Variants in KCND3 observed in about 807,000 individuals in gnomAD.
KCND3 encodes the protein A-type voltage-gated potassium channel KCND3.
Under a neutral mutation model 51.1 loss-of-function variants are expected in KCND3, and 9 were observed. The ratio of observed to expected loss-of-function variants is 0.18; its 90% CI spans 0.11 to 0.31. The LOEUF is 0.31. Among genes scored for constraint, KCND3 ranks in the 10% least tolerant of loss-of-function variants. The pLI, the probability that KCND3 is intolerant of heterozygous loss-of-function variation, is 1.00. For synonymous variants in KCND3, 349 were observed against 368.0 expected, an observed-to-expected ratio of 0.95 and a Z score of 0.59; for missense variants, 526 against 903.8, an observed-to-expected ratio of 0.58 and a Z score of 5.36.
In KCND3 at chr1:111,982,543, G is replaced by T. The variant is rs748912789; in HGVS notation, c.184C>A (p.Pro62Thr). The T allele has an allele frequency of 6.2e-7, 1 of 1,608,372 alleles. No homozygotes were observed. Among genetic ancestry groups the T allele is most frequent in the Non-Finnish European group, 8.5e-7 (1 of 1,175,398 alleles). Residue 62 changes from proline to threonine, a missense_variant, in exon 2 of 8, where the codon CCG becomes ACG. Coordinates refer to ENST00000302127, the MANE Select transcript of KCND3 (RefSeq NM_001378969.1). This position sits in a 1 kb window ranked among gnomAD's most constrained non-coding sequence, Gnocchi z 8.5. ...QTWRTTLERY[P>T]DTLLGSTEKE... The stretch of plus-strand genomic sequence containing the variant: ...TCCGTGCTGCCCAGCAGGGTGTCCG[G>T]GTAGCGCTCCAGCGTGGTCCTCCAG...
intron 2 of KCND3, among the ~76,000 whole-genome samples, chr1:111,806,096 C>T (rs748472941): frequency 3.1e-4 from 47 of 152,332 alleles, no homozygotes; most frequent in South Asian, 6.2e-4. Flanking sequence ...ACCCCTGCTA[C>T]GACACTGACT....
At chr1:111,832,043 C>G (rs1383628312) in intron 2 of KCND3, among the ~76,000 whole-genome samples, 1 of 152,196 alleles carries the variant, frequency 6.6e-6, no homozygotes, top group Non-Finnish European at 1.5e-5. Context: ...TTAATCATAA[C>G]TCTAGCTGGA....
chr1:111,882,113 A>G (rs1386808672), intron 2 of KCND3, among the ~76,000 whole-genome samples: 2 of 152,184 alleles, frequency 1.3e-5, no homozygotes, highest in South Asian at 2.1e-4. Context: ...GCCTGTACCC[A>G]GTTTCTAGCT....
At chr1:111,867,287 C>T (rs1668624154) in intron 2 of KCND3, among the ~76,000 whole-genome samples, 1 of 152,142 alleles carries the variant, frequency 6.6e-6, no homozygotes, top group African/African-American at 2.4e-5. Context: ...TGATGCCTGG[C>T]ATCAGGTAGG....
chr1:111,897,508 C>T (rs1670176976), intron 2 of KCND3, among the ~76,000 whole-genome samples: 2 of 152,208 alleles, frequency 1.3e-5, no homozygotes, highest in African/African-American at 4.8e-5. Context: ...TGCTGGACAG[C>T]TCGGTGTGTG....
chr1:111,875,271 G>A (rs189987567), intron 2 of KCND3, among the ~76,000 whole-genome samples: 2 of 152,270 alleles, frequency 1.3e-5, no homozygotes, highest in East Asian at 3.9e-4. Flanking sequence ...TGTAGTTAGA[G>A]GGCTGTGTCA....
intron 2 of KCND3, among the ~76,000 whole-genome samples, chr1:111,790,857 G>T (rs1664796610): frequency 6.6e-6 from 1 of 152,152 alleles, no homozygotes; most frequent in Non-Finnish European, 1.5e-5. Flanking sequence ...TTCTTTCACT[G>T]ACTGTGTTTT....
At chr1:111,947,825 C>A (rs1407785598) in intron 2 of KCND3, among the ~76,000 whole-genome samples, 1 of 152,154 alleles carries the variant, frequency 6.6e-6, no homozygotes, top group Non-Finnish European at 1.5e-5. Flanking sequence ...AAATCCTGGG[C>A]TGGGATGATA....
intron 6 of KCND3, 33 bp downstream of exon 6, chr1:111,778,402 GA>G: frequency 6.3e-7 from 1 of 1,590,610 alleles, no homozygotes; most frequent in Non-Finnish European, 8.6e-7. Flanking sequence ...TTATCAGAGA[GA>G]AAAACATCAA....
intron 2 of KCND3, among the ~76,000 whole-genome samples, chr1:111,945,473 A>G (rs955249842): frequency 6.6e-6 from 1 of 152,150 alleles, no homozygotes; most frequent in African/African-American, 2.4e-5. Context: ...TACCCCCATT[A>G]ACCCTCACAA....
intron 2 of KCND3, among the ~76,000 whole-genome samples, chr1:111,821,522 C>T (rs527285074): frequency 2.0e-5 from 3 of 152,300 alleles, no homozygotes; most frequent in Admixed American, 1.3e-4. Flanking sequence ...CCTGGTTTCC[C>T]GCCTGCTCAG....
At chr1:111,912,865 A>C (rs1454855054) in intron 2 of KCND3, among the ~76,000 whole-genome samples, 1 of 152,264 alleles carries the variant, frequency 6.6e-6, no homozygotes, top group African/African-American at 2.4e-5. Flanking sequence ...AGAGTCAAAA[A>C]GTTACAAAAA....
rs116554775 is a variant in KCND3 at position 111,842,173 on chromosome 1, G to A, written c.1107-55067C>T. On this transcript the variant is annotated intron_variant, in intron 2 of 7. Transcript: ENST00000302127. Reference sequence around the variant, plus strand: ...ATTCAGGACTGCTCTTGATAAACACGGCATTCGCAGGGGACAGGGACTCAC... The same window carrying A: ...ATTCAGGACTGCTCTTGATAAACACAGCATTCGCAGGGGACAGGGACTCAC... Among the ~76,000 whole-genome samples the A allele has an allele frequency of 4.5e-3, 680 of 152,244 alleles. 9 individuals are homozygous for A. The highest frequency in any genetic ancestry group is 0.015 in the African/African-American group (641 of 41,518).
At chr1:111,867,626 T>C (rs1255283189) in intron 2 of KCND3, among the ~76,000 whole-genome samples, 5 of 152,178 alleles carry the variant, frequency 3.3e-5, no homozygotes, top group Non-Finnish European at 7.3e-5. Context: ...GGGGAGCAGT[T>C]CTTGCTAAAG....
At chr1:111,906,122 G>A (rs1343137962) in intron 2 of KCND3, among the ~76,000 whole-genome samples, 4 of 152,254 alleles carry the variant, frequency 2.6e-5, no homozygotes, top group South Asian at 2.1e-4. Flanking sequence ...CAAGGGTGGT[G>A]TAGGGTGGGA....
At chr1:111,787,252 T>C (rs892888217) in intron 2 of KCND3, 146 bp from the exon 3 acceptor site, 5 of 856,510 alleles carry the variant, frequency 5.8e-6, no homozygotes, top group African/African-American at 5.0e-5. Flanking sequence ...TACTGTGACA[T>C]GGACCTGGGG....
At chr1:111,821,343 A>G (rs1034537841) in intron 2 of KCND3, among the ~76,000 whole-genome samples, 1 of 152,192 alleles carries the variant, frequency 6.6e-6, no homozygotes, top group Non-Finnish European at 1.5e-5. Context: ...GGGTCTCAAC[A>G]GCTAGACAGC....
chr1:111,891,980 CTGTGTG>C (rs35910937), intron 2 of KCND3, among the ~76,000 whole-genome samples: 10 of 147,130 alleles, frequency 6.8e-5, no homozygotes, highest in African/African-American at 2.6e-4. Context: ...GTGTGTGTGT[CTGTGTG>C]TGTGTGTGTG....
intron 2 of KCND3, among the ~76,000 whole-genome samples, chr1:111,811,186 T>G (rs1665829577): frequency 6.6e-6 from 1 of 152,204 alleles, no homozygotes; most frequent in South Asian, 2.1e-4. Flanking sequence ...GTCATCTTCC[T>G]CTCTGTGCTT....
Sources: gnomAD v4.1 joint callset for allele counts (sites outside exome capture counted in the v4.1 genomes callset) on GRCh38, gnomAD v4.1.1 for gene constraint, Gnocchi (gnomAD v3.1) non-coding constraint, MANE v1.5 for transcripts, NCBI Gene and HGNC (gene_info 2026-07-23, HGNC 2026-07-21) for gene names.